The following ATXN10 variants were observed in gnomAD, a reference collection of about 807,000 sequenced individuals.
ATXN10 encodes the protein ataxin 10, also known as ataxin-10.
In ATXN10, 28 loss-of-function variants were observed where a neutral mutation model predicts 52.9. That is an observed-to-expected ratio of 0.53 (90% CI 0.39 to 0.73). ATXN10 has a LOEUF of 0.73. Ranked by LOEUF, ATXN10 falls within the 30% of genes least tolerant of loss-of-function variation. ATXN10 has a pLI of 0.00. For synonymous variants in ATXN10, 226 were observed against 221.5 expected, an observed-to-expected ratio of 1.02 and a Z score of -0.18; for missense variants, 565 against 577.0, an observed-to-expected ratio of 0.98 and a Z score of 0.21.
intron 10 of ATXN10, among the ~76,000 whole-genome samples, chr22:45,810,367 T>C (rs1928241289): frequency 6.6e-6 from 1 of 152,254 alleles, no homozygotes. Context: ...TCTCTTCTTT[T>C]GTAACAGTGT....
rs1005268647 is a variant in ATXN10 at position 45,701,200 on chromosome 22, T to G, written c.488+822T>G. On this transcript the variant is annotated intron_variant, in intron 4 of 11. Transcript: ENST00000252934. This position sits in a 1 kb window ranked among gnomAD's most constrained non-coding sequence, Gnocchi z 4.2. ...TGTACATACCCTGAACTGGGCATTA[T>G]CCGTATATTTTTTCTGTTCTCACAA... Among the ~76,000 whole-genome samples the G allele has an allele frequency of 5.3e-5, 8 of 152,156 alleles. No homozygotes were observed. The highest frequency in any genetic ancestry group is 1.7e-4 in the African/African-American group (7 of 41,438).
rs1229521292 is a variant in ATXN10 at position 45,732,311 on chromosome 22, T to TA, written c.894+2722dup. Among the ~76,000 whole-genome samples the TA allele has an allele frequency of 6.6e-6, 1 of 151,582 alleles. No individual in the cohort carries two copies. The highest frequency in any genetic ancestry group is 1.5e-5 in the Non-Finnish European group (1 of 67,856). ...TGTACAAAAAAAAAACACAAAGAAT[T>TA]AGCTGGGTGTGGTGGTGTGTGCCTG... On this transcript the variant is annotated intron_variant, in intron 7 of 11. Transcript: ENST00000252934. This position sits in a 1 kb window ranked among gnomAD's most constrained non-coding sequence, Gnocchi z 4.5.
In ATXN10 at chr22:45,789,506, A is replaced by G. The variant is rs1927433293; in HGVS notation, c.1174-17453A>G. 2.0e-5 allele frequency among the ~76,000 whole-genome samples: 3 copies of G among 152,244 alleles called. No individual in the cohort carries two copies. The highest frequency in any genetic ancestry group is 6.5e-5 in the Admixed American group (1 of 15,290). ...ACAAGCAAACAAATAGCTGCTCTGT[A>G]TACCATGGACGCTATACAGCTCAAC... On this transcript the variant is annotated intron_variant, in intron 9 of 11. Coordinates refer to ENST00000252934, the MANE Select transcript of ATXN10 (RefSeq NM_013236.4). The surrounding 1 kb of genome is among the most constrained non-coding windows in gnomAD (Gnocchi z 4.0).
chr22:45,740,514 C>A lies in ATXN10; in HGVS notation c.1149C>A (p.Tyr383Ter). The change falls in exon 9 of 12, where the codon TAC becomes TAA. Residue 383 changes from tyrosine (Y) to a stop codon, truncating the protein, a stop_gained. Transcript: ENST00000252934. LOFTEE classifies it high-confidence loss of function. ...HLIRLIGNLC[Y>*]KNKDNQDKVN... ...TTCGTCTGATTGGAAATCTGTGTTA[C>A]AAGAATAAAGATAACCAAGACAAGG... 6.2e-7 allele frequency: 1 copy of A among 1,613,602 alleles called. No homozygotes were observed. Among genetic ancestry groups the A allele is most frequent in the Non-Finnish European group, 8.5e-7 (1 of 1,179,836 alleles).
Position 45,766,016 on chromosome 22 carries a change from G to C in ATXN10, c.1173+25478G>C, listed in dbSNP as rs138280775. The stretch of plus-strand genomic sequence containing the variant: ...GTTCAAAACAACCTGGCATTGGCAC[G>C]TGAAGGGGCTGACAGGCTAATGGGG... On this transcript the variant is annotated intron_variant, in intron 9 of 11. Coordinates refer to ENST00000252934, the MANE Select transcript of ATXN10 (RefSeq NM_013236.4). The surrounding 1 kb of genome is among the most constrained non-coding windows in gnomAD (Gnocchi z 4.6). Among the ~76,000 whole-genome samples, 1 of 152,218 alleles carries C rather than the reference G, an allele frequency of 6.6e-6. No homozygotes were observed. The highest frequency in any genetic ancestry group is 2.4e-5 in the African/African-American group (1 of 41,442).
At position 45,787,606 on chromosome 22, in the gene ATXN10, G is replaced by T. The variant is rs1277960223; in HGVS notation, c.1174-19353G>T. Reference sequence around the variant, plus strand: ...GAACGTTCTCATCAATACTTTGGTGGCTCTTCCCATATCCCAGCTTTGGAC... The same window carrying T: ...GAACGTTCTCATCAATACTTTGGTGTCTCTTCCCATATCCCAGCTTTGGAC... On this transcript the variant is annotated intron_variant, in intron 9 of 11. Transcript: ENST00000252934. This position sits in a 1 kb window ranked among gnomAD's most constrained non-coding sequence, Gnocchi z 4.2. 6.6e-6 allele frequency among the ~76,000 whole-genome samples: 1 copy of T among 152,124 alleles called. No individual in the cohort carries two copies. Among genetic ancestry groups the T allele is most frequent in the Non-Finnish European group, 1.5e-5 (1 of 68,018 alleles).
At chr22:45,720,712 T>C (rs1924618236) in intron 6 of ATXN10, among the ~76,000 whole-genome samples, 1 of 152,172 alleles carries the variant, frequency 6.6e-6, no homozygotes, top group South Asian at 2.1e-4. Context: ...TATGGAGAAA[T>C]TGGAACCCTT....
At chr22:45,797,697 T>C (rs1927792274) in intron 9 of ATXN10, among the ~76,000 whole-genome samples, 1 of 152,096 alleles carries the variant, frequency 6.6e-6, no homozygotes, top group Non-Finnish European at 1.5e-5. Context: ...AAGATAAGAA[T>C]GGAAATCTTT....
intron 9 of ATXN10, among the ~76,000 whole-genome samples, chr22:45,742,413 G>A (rs146201830): frequency 6.6e-6 from 1 of 152,184 alleles, no homozygotes; most frequent in Non-Finnish European, 1.5e-5. Context: ...CGTGCTCAAG[G>A]ATGTAAAGGA....
At chr22:45,725,592 T>A (rs564865451) in intron 6 of ATXN10, among the ~76,000 whole-genome samples, 30 of 152,254 alleles carry the variant, frequency 2.0e-4, no homozygotes, top group African/African-American at 6.0e-4. Flanking sequence ...TCTAGGTATA[T>A]GATCGTATCA....
At chr22:45,694,269 T>A (rs1366160587) in intron 3 of ATXN10, among the ~76,000 whole-genome samples, 1 of 149,446 alleles carries the variant, frequency 6.7e-6, no homozygotes, top group Non-Finnish European at 1.5e-5. Context: ...ACATAATGTT[T>A]AAAAAAAAAA....
intron 10 of ATXN10, among the ~76,000 whole-genome samples, chr22:45,817,718 G>A (rs1450346376): frequency 1.3e-5 from 2 of 152,088 alleles, no homozygotes; most frequent in Non-Finnish European, 2.9e-5. Context: ...ACAAACAAGT[G>A]CACACACAGA....
rs1926893455 is a variant in ATXN10 at position 45,774,757 on chromosome 22, A to T, written c.1174-32202A>T. Among the ~76,000 whole-genome samples the T allele has an allele frequency of 6.6e-6, 1 of 152,196 alleles. No individual in the cohort carries two copies. Among genetic ancestry groups the T allele is most frequent in the African/African-American group, 2.4e-5 (1 of 41,452 alleles). ...AGACCAGCCTGACCACCATGGTGAAACCCTGTCTCTACTAAAAATACAAAA... is the reference window on the plus strand; with the variant it reads ...AGACCAGCCTGACCACCATGGTGAATCCCTGTCTCTACTAAAAATACAAAA... On this transcript the variant is annotated intron_variant, in intron 9 of 11. Transcript: ENST00000252934. This position sits in a 1 kb window ranked among gnomAD's most constrained non-coding sequence, Gnocchi z 6.2.
chr22:45,697,132 A>T (rs185969218), intron 3 of ATXN10, among the ~76,000 whole-genome samples: 5 of 151,588 alleles, frequency 3.3e-5, no homozygotes, highest in Admixed American at 6.6e-5. Flanking sequence ...CTACCTAATT[A>T]AAAAAAAAAT....
intron 9 of ATXN10, among the ~76,000 whole-genome samples, chr22:45,771,067 C>G (rs549764430): frequency 1.3e-5 from 2 of 152,288 alleles, no homozygotes; most frequent in Non-Finnish European, 2.9e-5. Context: ...AACATACTGT[C>G]ACAAAACCCT....
chr22:45,749,758 G>GTCTTACTGT (rs1353481816), intron 9 of ATXN10, among the ~76,000 whole-genome samples: 5 of 151,998 alleles, frequency 3.3e-5, no homozygotes, highest in Non-Finnish European at 5.9e-5. Context: ...GAAAAACAGG[G>GTCTTACTGT]TCTTACTGTG....
chr22:45,729,832 A>C, intron 7 of ATXN10: 1 of 538,426 alleles, frequency 1.9e-6, no homozygotes, highest in Admixed American at 2.6e-5. Flanking sequence ...CATCAGATAC[A>C]TGCACACAGA....
At chr22:45,779,505 C>T (rs951649529) in intron 9 of ATXN10, among the ~76,000 whole-genome samples, 2 of 152,130 alleles carry the variant, frequency 1.3e-5, no homozygotes, top group Non-Finnish European at 2.9e-5. Context: ...CAGCTGGGAG[C>T]GAGACTAGAC....
At position 45,789,329 on chromosome 22, in the gene ATXN10, C is replaced by T. The variant is rs1927426831; in HGVS notation, c.1174-17630C>T. Among the ~76,000 whole-genome samples the T allele has an allele frequency of 6.6e-6, 1 of 152,186 alleles. No individual in the cohort carries two copies. Among genetic ancestry groups the T allele is most frequent in the African/African-American group, 2.4e-5 (1 of 41,432 alleles). The stretch of plus-strand genomic sequence containing the variant: ...ATCTGTTGGTTATATTTGGACCCTG[C>T]AAGGGTGGAAGGTGAGCTTTTGCTT... On this transcript the variant is annotated intron_variant, in intron 9 of 11. Coordinates refer to ENST00000252934, the MANE Select transcript of ATXN10 (RefSeq NM_013236.4). This position sits in a 1 kb window ranked among gnomAD's most constrained non-coding sequence, Gnocchi z 4.0.
Sources: allele counts gnomAD v4.1 joint callset (sites outside exome capture counted in the v4.1 genomes callset), GRCh38; gene constraint gnomAD v4.1.1; non-coding constraint Gnocchi (gnomAD v3.1); transcripts MANE v1.5; gene names NCBI Gene and HGNC (gene_info 2026-07-23, HGNC 2026-07-21).